CD79B: variants seen among roughly 807,000 people sequenced by gnomAD.
CD79B encodes the protein B-cell antigen receptor complex-associated protein beta chain.
Under a neutral mutation model 30.0 loss-of-function variants are expected in CD79B, and 7 were observed. The observed-to-expected ratio is 0.23, with a 90% CI of 0.13 to 0.44. The LOEUF (loss-of-function observed/expected upper bound fraction) is 0.44. Ranked by LOEUF, CD79B falls within the 20% of genes least tolerant of loss-of-function variation. CD79B has a pLI of 1.00. For synonymous variants in CD79B, 118 were observed against 119.2 expected (o/e 0.99, Z 0.07); for missense variants, 218 against 299.1 (o/e 0.73, Z 2.00).
intron 5 of CD79B, 40 bp downstream of exon 5, chr17:63,929,394 C>T: frequency 1.2e-6 from 2 of 1,612,636 alleles, no homozygotes; most frequent in Non-Finnish European, 1.7e-6. Flanking sequence ...GGCCACTGAC[C>T]CCGAGGACTC....
chr17:63,930,043 T>C, intron 3 of CD79B, 31 bp downstream of exon 3: 1 of 1,610,412 alleles, frequency 6.2e-7, no homozygotes. Context: ...GGCGGACAGC[T>C]ACAGGAGCGT....
At chr17:63,929,737 G>A (rs375440638) in intron 4 of CD79B, 33 bp downstream of exon 4, 170 of 1,491,714 alleles carry the variant, frequency 1.1e-4, no homozygotes, top group Middle Eastern at 5.1e-4. Flanking sequence ...CCTCCTCTGC[G>A]GTCCCCCAAG....
rs757161814 is a variant in CD79B, at chr17:63,929,437, G to A, written c.588C>T (p.Tyr196=). 3.1e-6 allele frequency: 5 copies of A among 1,613,910 alleles called. No homozygotes were observed. The highest frequency in any genetic ancestry group is 2.2e-5 in the East Asian group (1 of 44,880). The part of the protein sequence containing the change: ...SKAGMEEDHT[Y]EGLDIDQTAT... The stretch of plus-strand genomic sequence containing the variant: ...CTGGGCCTGCCCCTCTCCTTACCTC[G>A]TAGGTGTGATCTTCCTCCATGCCAG... Residue 196 remains tyrosine, a synonymous_variant, in exon 5 of 6, where the codon TAC becomes TAT. Transcript: ENST00000006750.
rs2144756807 is a variant in CD79B at position 63,929,818 on chromosome 17, C to T, written c.501G>A (p.Leu167=). 3 of 1,613,216 alleles carry T rather than the reference C, an allele frequency of 1.9e-6. No individual in the cohort carries two copies. The highest frequency in any genetic ancestry group is 2.7e-5 in the African/African-American group (2 of 75,036). ...LKDGIIMIQT[L]LIILFIIVPI... ...GCACGATGATGAAGAGGATGATCAGCAGCGTCTGGATCATGATGATACCAT... is the reference window on the plus strand; with the variant it reads ...GCACGATGATGAAGAGGATGATCAGTAGCGTCTGGATCATGATGATACCAT... The change falls in exon 4 of 6, where the codon CTG becomes CTA. Residue 167 remains leucine (L), a synonymous_variant. Coordinates refer to ENST00000006750, the MANE Select transcript of CD79B (RefSeq NM_000626.4).
In CD79B at chr17:63,930,001, A is replaced by G. The variant is rs878933514; in HGVS notation, c.430+73T>C. 33 of 1,576,542 alleles carry G rather than the reference A, an allele frequency of 2.1e-5. No homozygotes were observed. In the South Asian group the frequency reaches 3.4e-4, roughly 16 times the overall value. On this transcript the variant is annotated intron_variant, in intron 3 of 5. Coordinates refer to ENST00000006750, the MANE Select transcript of CD79B (RefSeq NM_000626.4). ...TCCTGAGTGCTCTAGGGCCATGACC[A>G]TCACCACAAGAGGCAGGCCGGGCTA...
Position 63,930,344 on chromosome 17 carries a change from C to T in CD79B, c.160G>A (p.Ala54Thr). The change falls in exon 3 of 6, where the codon GCC becomes ACC. Residue 54 changes from alanine to threonine, a missense_variant. Ala to Thr is a moderately conservative substitution (Grantham distance 58). Transcript: ENST00000006750. ...SRIWQSPRFI[A>T]RKRGFTVKMH... ...TTCACCGTGAAGCCCCGTTTCCTGGCTATGAAACGTGGGCTCTGCCAGATC... is the reference window on the plus strand; with the variant it reads ...TTCACCGTGAAGCCCCGTTTCCTGGTTATGAAACGTGGGCTCTGCCAGATC... 6.2e-7 allele frequency: 1 copy of T among 1,614,120 alleles called. No homozygotes were observed. Among genetic ancestry groups the T allele is most frequent in the South Asian group, 1.1e-5 (1 of 91,076 alleles).
chr17:63,932,284 C>T lies in CD79B; in HGVS notation c.-23G>A, dbSNP rs1908183223. 1 of 1,609,568 alleles carries T rather than the reference C, an allele frequency of 6.2e-7. No individual in the cohort carries two copies. The highest frequency in any genetic ancestry group is 1.1e-5 in the South Asian group (1 of 91,046). On this transcript the variant is annotated 5_prime_UTR_variant, in exon 1 of 6. Coordinates refer to ENST00000006750, the MANE Select transcript of CD79B (RefSeq NM_000626.4). ...CATGGTCACCGCTCTGTCCCCGACCCCAAACCCGTGACAACGTCCGAGGCT... is the reference window on the plus strand; with the variant it reads ...CATGGTCACCGCTCTGTCCCCGACCTCAAACCCGTGACAACGTCCGAGGCT...
chr17:63,931,926 G>T, intron 1 of CD79B: 1 of 537,792 alleles, frequency 1.9e-6, no homozygotes. Context: ...GTTCTTCCAC[G>T]GTCCTGGTTG....
Position 63,928,788 on chromosome 17 carries a change from C to T in CD79B, c.*438G>A. On this transcript the variant is annotated 3_prime_UTR_variant, in exon 6 of 6. Coordinates refer to ENST00000006750, the MANE Select transcript of CD79B (RefSeq NM_000626.4). Reference sequence around the variant, plus strand: ...ATTCCACGGGGGAAGGCACTGGAGGCCAGGGCCTCCCTGGGGTGGGAGTGG... The same window carrying T: ...ATTCCACGGGGGAAGGCACTGGAGGTCAGGGCCTCCCTGGGGTGGGAGTGG... 2.8e-6 allele frequency: 1 copy of T among 358,700 alleles called. No homozygotes were observed. Among genetic ancestry groups the T allele is most frequent in the Non-Finnish European group, 5.2e-6 (1 of 191,148 alleles). 22.2% of individuals were successfully genotyped at this position (358,700 alleles called of 1,614,324 possible).
At chr17:63,931,499 G>C (rs1229293796) in intron 1 of CD79B, 114 bp from the exon 2 acceptor site, 1 of 982,930 alleles carries the variant, frequency 1.0e-6, no homozygotes, top group Admixed American at 1.9e-5. Context: ...CATGACAGCA[G>C]CTTCAAGACC....
chr17:63,931,755 TTTTA>T, intron 1 of CD79B: 1 of 361,246 alleles, frequency 2.8e-6, no homozygotes, highest in Non-Finnish European at 5.2e-6. Flanking sequence ...TTTTTTTTTT[TTTTA>T]AAGAGAGACA....
At chr17:63,931,213 C>T in intron 2 of CD79B, 122 bp downstream of exon 2, 1 of 955,846 alleles carries the variant, frequency 1.0e-6, no homozygotes, top group Middle Eastern at 2.1e-4. Flanking sequence ...GGATGGGAAT[C>T]CTGGATGGGG....
chr17:63,932,318 G>A lies in CD79B; in HGVS notation c.-57C>T. 1.3e-6 allele frequency: 2 copies of A among 1,514,874 alleles called. No individual in the cohort carries two copies. Among genetic ancestry groups the A allele is most frequent in the South Asian group, 2.3e-5 (2 of 88,770 alleles). The allele number at this position is 1,514,874 out of a possible 1,614,324, so 93.8% of individuals were successfully genotyped here. A position where few individuals can be genotyped will look rare whatever the true frequency, so the allele number is the denominator to read the frequency against. Reference sequence around the variant, plus strand: ...TGACAACGTCCGAGGCTCCTTGGAGGAAAACGTGTAACTGCACCGGCTGCA... The same window carrying A: ...TGACAACGTCCGAGGCTCCTTGGAGAAAAACGTGTAACTGCACCGGCTGCA... On this transcript the variant is annotated 5_prime_UTR_variant, in exon 1 of 6. Coordinates refer to ENST00000006750, the MANE Select transcript of CD79B (RefSeq NM_000626.4).
chr17:63,929,252 C>A lies in CD79B; in HGVS notation c.664G>T (p.Val222Leu), dbSNP rs144588938. The A allele has an allele frequency of 6.2e-7, 1 of 1,613,732 alleles. No individual in the cohort carries two copies. The highest frequency in any genetic ancestry group is 8.5e-7 in the Non-Finnish European group (1 of 1,179,710). ...TLRTGEVKWSVGEHPGQE is the reference protein window; with the variant it reads ...TLRTGEVKWSLGEHPGQE The stretch of plus-strand genomic sequence containing the variant: ...CACTCCTGGCCTGGGTGCTCACCTA[C>A]AGACCACTTCACTTCCCCTGTCCGC... The change falls in exon 6 of 6, where the codon GTA becomes TTA. Residue 222 changes from valine (V) to leucine (L), a missense_variant. Coordinates refer to ENST00000006750, the MANE Select transcript of CD79B (RefSeq NM_000626.4).
Position 63,929,420 on chromosome 17 carries a change from G to T in CD79B, c.591+14C>A, listed in dbSNP as rs1439791551. 2.5e-6 allele frequency: 4 copies of T among 1,613,794 alleles called. No homozygotes were observed. Among genetic ancestry groups the T allele is most frequent in the South Asian group, 2.2e-5 (2 of 91,084 alleles). Reference sequence around the variant, plus strand: ...CCGAGGACTCAGAGCTGCTGGGCCTGCCCCTCTCCTTACCTCGTAGGTGTG... The same window carrying T: ...CCGAGGACTCAGAGCTGCTGGGCCTTCCCCTCTCCTTACCTCGTAGGTGTG... On this transcript the variant is annotated intron_variant, in intron 5 of 5. Coordinates refer to ENST00000006750, the MANE Select transcript of CD79B (RefSeq NM_000626.4).
intron 5 of CD79B, 27 bp from the exon 6 acceptor site, chr17:63,929,351 C>G (rs767308567): frequency 6.2e-7 from 1 of 1,610,664 alleles, no homozygotes; most frequent in Admixed American, 1.7e-5. Context: ...GAACTCAGGC[C>G]GGGACCACAC....
chr17:63,931,890 C>G (rs1458593700), intron 1 of CD79B: 3 of 495,490 alleles, frequency 6.1e-6, no homozygotes, highest in African/African-American at 5.8e-5. Flanking sequence ...AGGCACCGCC[C>G]TCAGCCTCTC....
At chr17:63,932,129 G>A (rs1908168848) in intron 1 of CD79B, 66 bp downstream of exon 1, 3 of 1,416,212 alleles carry the variant, frequency 2.1e-6, no homozygotes, top group Non-Finnish European at 3.0e-6. Context: ...GCAGGAGGCA[G>A]AGCCGCAGGG....
chr17:63,930,396 C>G lies in CD79B; in HGVS notation c.119-11G>C, dbSNP rs1273390264. On this transcript the variant is annotated splice_polypyrimidine_tract_variant and intron_variant, in intron 2 of 5. Transcript: ENST00000006750. ...GCGAACAAGCACTACCTGTGGGTGCCAAGGCCAGGCTCAGCATTCCGCTTG... is the reference window on the plus strand; with the variant it reads ...GCGAACAAGCACTACCTGTGGGTGCGAAGGCCAGGCTCAGCATTCCGCTTG... The G allele has an allele frequency of 6.2e-7, 1 of 1,612,334 alleles. No individual in the cohort carries two copies. The highest frequency in any genetic ancestry group is 8.5e-7 in the Non-Finnish European group (1 of 1,179,394).
Sources: allele counts gnomAD v4.1 joint callset, GRCh38; gene constraint gnomAD v4.1.1; transcripts MANE v1.5; gene names NCBI Gene and HGNC (gene_info 2026-07-23, HGNC 2026-07-21).